Variants in KCNJ2 observed in about 807,000 individuals in gnomAD.
KCNJ2 encodes the protein potassium inwardly rectifying channel subfamily J member 2.
Under a neutral mutation model 28.4 loss-of-function variants are expected in KCNJ2, and 12 were observed. The observed-to-expected ratio is 0.42, with a 90% CI of 0.27 to 0.68. The LOEUF (loss-of-function observed/expected upper bound fraction) is 0.68. KCNJ2 is among the 30% of genes least tolerant of loss of function. KCNJ2 has a pLI of 0.23. For missense variants in KCNJ2, 320 were observed against 551.3 expected (o/e 0.58, Z 4.20); for synonymous variants, 200 against 203.2 (o/e 0.98, Z 0.13).
At chr17:70,172,041 C>T (rs2074367614) in intron 1 of KCNJ2, among the ~76,000 whole-genome samples, 1 of 151,956 alleles carries the variant, frequency 6.6e-6, no homozygotes, top group Non-Finnish European at 1.5e-5. Context: ...CTCAGCTGCT[C>T]ACGAATTGGT....
rs2074389178 is a variant in KCNJ2, at chr17:70,175,809, G to A, written c.770G>A (p.Gly257Glu). ...GACATCAATGTTGGGTTTGACAGTG[G>A]AATCGATCGTATATTTCTGGTGTCC... ...QIDINVGFDS[G>E]IDRIFLVSPI... The change falls in exon 2 of 2, where the codon GGA becomes GAA. Residue 257 changes from glycine (G) to glutamate (E), a missense_variant. By Grantham distance (98) the Gly-to-Glu change is moderately conservative. Around this residue, in one of 3 missense-constraint regions of KCNJ2, gnomAD observed 155 missense variants for 231.6 expected, o/e 0.67. Coordinates refer to ENST00000243457, the MANE Select transcript of KCNJ2 (RefSeq NM_000891.3). This position sits in a 1 kb window ranked among gnomAD's most constrained non-coding sequence, Gnocchi z 8.3. The A allele has an allele frequency of 6.2e-7, 1 of 1,614,042 alleles. No individual in the cohort carries two copies. Among genetic ancestry groups the A allele is most frequent in the Admixed American group, 1.7e-5 (1 of 60,002 alleles).
In KCNJ2 at chr17:70,176,058, A is replaced by G; in HGVS notation, c.1019A>G (p.Asp340Gly). The G allele has an allele frequency of 6.2e-7, 1 of 1,614,142 alleles. No individual in the cohort carries two copies. The highest frequency in any genetic ancestry group is 8.5e-7 in the Non-Finnish European group (1 of 1,180,024). The change falls in exon 2 of 2, where the codon GAC becomes GGC. Residue 340 changes from aspartate (D) to glycine (G), a missense_variant. By Grantham distance (94) the Asp-to-Gly change is moderately conservative. Coordinates refer to ENST00000243457, the MANE Select transcript of KCNJ2 (RefSeq NM_000891.3). The part of the protein sequence containing the change: ...LFEEKHYYKV[D>G]YSRFHKTYEV... ...GAAGAGAAGCACTACTACAAAGTGG[A>G]CTATTCCAGGTTCCACAAAACTTAC...
Position 70,175,171 on chromosome 17 carries a change from G to A in KCNJ2, c.132G>A (p.Arg44=), listed in dbSNP as rs551369705. Residue 44 remains arginine, a synonymous_variant, in exon 2 of 2, where the codon AGG becomes AGA. Coordinates refer to ENST00000243457, the MANE Select transcript of KCNJ2 (RefSeq NM_000891.3). This position sits in a 1 kb window ranked among gnomAD's most constrained non-coding sequence, Gnocchi z 8.3. ...AAGTCCACACCCGACAACAGTGCAG[G>A]AGCCGCTTTGTGAAGAAAGATGGCC... The part of the protein sequence containing the change: ...KSKVHTRQQC[R]SRFVKKDGHC... 24 of 1,614,182 alleles carry A rather than the reference G, an allele frequency of 1.5e-5. No homozygotes were observed. In the African/African-American group the frequency reaches 3.1e-4, roughly 21 times the overall value.
At position 70,178,450 on chromosome 17, in the gene KCNJ2, G is replaced by C. The variant is rs937917384; in HGVS notation, c.*2127G>C. ...AACTTACAGAAGAGGCAACAATTTG[G>C]TTCTTGACAGTGAGAGGATATTGAG... On this transcript the variant is annotated 3_prime_UTR_variant, in exon 2 of 2. Transcript: ENST00000243457. The C allele has an allele frequency of 6.0e-6, 1 of 167,046 alleles. No individual in the cohort carries two copies. Among genetic ancestry groups the C allele is most frequent in the Non-Finnish European group, 1.5e-5 (1 of 68,116 alleles). 10.3% of individuals were successfully genotyped at this position (167,046 alleles called of 1,614,324 possible). A position where few individuals can be genotyped will look rare whatever the true frequency, so the allele number is the denominator to read the frequency against.
chr17:70,175,366 C>G lies in KCNJ2; in HGVS notation c.327C>G (p.Leu109=). 2 of 1,614,128 alleles carry G rather than the reference C, an allele frequency of 1.2e-6. No individual in the cohort carries two copies. The highest frequency in any genetic ancestry group is 1.1e-5 in the South Asian group (1 of 91,080). ...GTGTGTTTTGGTTGATAGCTCTGCT[C>G]CATGGGGACCTGGATGCATCCAAAG... ...FGCVFWLIAL[L]HGDLDASKEG... The change falls in exon 2 of 2, where the codon CTC becomes CTG. Residue 109 remains leucine, a synonymous_variant. Transcript: ENST00000243457. The surrounding 1 kb of genome is among the most constrained non-coding windows in gnomAD (Gnocchi z 8.3).
At chr17:70,173,515 C>A (rs1215907111) in intron 1 of KCNJ2, among the ~76,000 whole-genome samples, 1 of 152,092 alleles carries the variant, frequency 6.6e-6, no homozygotes, top group Non-Finnish European at 1.5e-5. Flanking sequence ...AAAGAAAACA[C>A]CTTAGACTTT....
rs886053322 is a variant in KCNJ2, at chr17:70,174,952, C to T, written c.-88C>T. 3.7e-5 allele frequency: 49 copies of T among 1,322,566 alleles called. No individual in the cohort carries two copies. Among genetic ancestry groups the T allele is most frequent in the Non-Finnish European group, 4.6e-5 (43 of 936,512 alleles). The allele number at this position is 1,322,566 out of a possible 1,614,324, so 81.9% of individuals were successfully genotyped here. ...ATTTTTTTGGTGTGTGTGTCTTCACCGAACATTCAAAACTGTTTCTCCAAA... is the reference window on the plus strand; with the variant it reads ...ATTTTTTTGGTGTGTGTGTCTTCACTGAACATTCAAAACTGTTTCTCCAAA... On this transcript the variant is annotated 5_prime_UTR_variant, in exon 2 of 2. Transcript: ENST00000243457.
intron 1 of KCNJ2, among the ~76,000 whole-genome samples, chr17:70,174,177 A>G (rs995318391): frequency 6.6e-6 from 1 of 152,090 alleles, no homozygotes; most frequent in African/African-American, 2.4e-5. Context: ...CAGGATACAC[A>G]CTCAGTCAAG....
chr17:70,175,038 C>T lies in KCNJ2; in HGVS notation c.-2C>T, dbSNP rs144760658. 2.1e-4 allele frequency: 339 copies of T among 1,613,892 alleles called. 1 individual carries two copies. Among genetic ancestry groups the T allele is most frequent in the Admixed American group, 1.1e-3 (65 of 60,014 alleles). ...GAAGCACTGGAGTCCCCAGCAGAAG[C>T]GATGGGCAGTGTGCGAACCAACCGC... On this transcript the variant is annotated 5_prime_UTR_variant, in exon 2 of 2. Transcript: ENST00000243457. This position sits in a 1 kb window ranked among gnomAD's most constrained non-coding sequence, Gnocchi z 8.3.
rs35753731 is a variant in KCNJ2 at position 70,178,027 on chromosome 17, C to CTT, written c.*1720_*1721dup. Reference sequence around the variant, plus strand: ...CTCACTGAAGCTCAATAATGGAACTCTTTTTTTTTTTTTTTTTAATTTAAA... The same window carrying CTT: ...CTCACTGAAGCTCAATAATGGAACTCTTTTTTTTTTTTTTTTTTTAATTTAAA... On this transcript the variant is annotated 3_prime_UTR_variant, in exon 2 of 2. Transcript: ENST00000243457. 11,528 of 137,140 alleles carry CTT rather than the reference C, an allele frequency of 0.084. 528 individuals are homozygous for CTT. The highest frequency in any genetic ancestry group is 0.13 in the South Asian group (518 of 4,044). 8.5% of individuals were successfully genotyped at this position (137,140 alleles called of 1,614,324 possible). A position where few individuals can be genotyped will look rare whatever the true frequency, so the allele number is the denominator to read the frequency against.
rs988469960 is a variant in KCNJ2, at chr17:70,178,060, A to G, written c.*1737A>G. 1 of 116,234 alleles carries G rather than the reference A, an allele frequency of 8.6e-6. No homozygotes were observed. The allele number at this position is 116,234 out of a possible 1,614,324, so 7.2% of individuals were successfully genotyped here. On this transcript the variant is annotated 3_prime_UTR_variant, in exon 2 of 2. Transcript: ENST00000243457. Reference sequence around the variant, plus strand: ...TTTTTTTTTTAATTTAAAGTTCCCTATTTGTGAATTCTGGGATTACTGACT... The same window carrying G: ...TTTTTTTTTTAATTTAAAGTTCCCTGTTTGTGAATTCTGGGATTACTGACT...
At position 70,176,032 on chromosome 17, in the gene KCNJ2, T is replaced by C; in HGVS notation, c.993T>C (p.Phe331=). ...GCCACCGCTATGAGCCTGTGCTCTT[T>C]GAAGAGAAGCACTACTACAAAGTGG... ...LWGHRYEPVL[F]EEKHYYKVDY... Residue 331 remains phenylalanine (F), a synonymous_variant, in exon 2 of 2, where the codon TTT becomes TTC. Coordinates refer to ENST00000243457, the MANE Select transcript of KCNJ2 (RefSeq NM_000891.3). 6.2e-7 allele frequency: 1 copy of C among 1,614,114 alleles called. No homozygotes were observed. The highest frequency in any genetic ancestry group is 8.5e-7 in the Non-Finnish European group (1 of 1,180,008).
rs758970776 is a variant in KCNJ2 at position 70,176,508 on chromosome 17, A to G, written c.*185A>G. On this transcript the variant is annotated 3_prime_UTR_variant, in exon 2 of 2. Coordinates refer to ENST00000243457, the MANE Select transcript of KCNJ2 (RefSeq NM_000891.3). ...CCATGATTAGCATAAAGCACTAACC[A>G]TGTCTCCATGTGACCCGATGGCACA... 37 of 658,160 alleles carry G rather than the reference A, an allele frequency of 5.6e-5. No individual in the cohort carries two copies. The Middle Eastern group carries it at 1.6e-3, about 28-fold the overall frequency. The allele number at this position is 658,160 out of a possible 1,614,324, so 40.8% of individuals were successfully genotyped here. A position where few individuals can be genotyped will look rare whatever the true frequency, so the allele number is the denominator to read the frequency against.
Position 70,175,892 on chromosome 17 carries a change from C to G in KCNJ2, c.853C>G (p.Gln285Glu), listed in dbSNP as rs776976697. 6.2e-7 allele frequency: 1 copy of G among 1,614,086 alleles called. No homozygotes were observed. Among genetic ancestry groups the G allele is most frequent in the Non-Finnish European group, 8.5e-7 (1 of 1,180,018 alleles). ...CAGTCCTTTATATGATTTGAGTAAACAGGACATTGACAACGCAGACTTTGA... is the reference window on the plus strand; with the variant it reads ...CAGTCCTTTATATGATTTGAGTAAAGAGGACATTGACAACGCAGACTTTGA... Reference protein sequence around the residue: ...EDSPLYDLSKQDIDNADFEIV... With the variant: ...EDSPLYDLSKEDIDNADFEIV... The change falls in exon 2 of 2, where the codon CAG becomes GAG. Residue 285 changes from glutamine to glutamate, a missense_variant. Physicochemically the swap from Gln to Glu is conservative, Grantham distance 29. This residue lies in a region of KCNJ2 where 155 missense variants were observed against 231.6 expected (regional missense o/e 0.67). Transcript: ENST00000243457. This position sits in a 1 kb window ranked among gnomAD's most constrained non-coding sequence, Gnocchi z 8.3.
At chr17:70,173,599 T>A (rs2074375936) in intron 1 of KCNJ2, among the ~76,000 whole-genome samples, 1 of 152,234 alleles carries the variant, frequency 6.6e-6, no homozygotes, top group African/African-American at 2.4e-5. Flanking sequence ...AGTACATAGA[T>A]AGTTCTTAGC....
At chr17:70,171,797 T>C (rs1357249430) in intron 1 of KCNJ2, among the ~76,000 whole-genome samples, 1 of 152,182 alleles carries the variant, frequency 6.6e-6, no homozygotes, top group African/African-American at 2.4e-5. Flanking sequence ...ACATCATGGG[T>C]TATGGCCTGG....
chr17:70,174,385 G>A (rs1299926443), intron 1 of KCNJ2, among the ~76,000 whole-genome samples: 6 of 152,264 alleles, frequency 3.9e-5, no homozygotes, highest in South Asian at 2.1e-4. Flanking sequence ...TCAATGCTGC[G>A]TCCACGTGAA....
chr17:70,177,813 A>G lies in KCNJ2; in HGVS notation c.*1490A>G, dbSNP rs2074404073. The G allele has an allele frequency of 6.0e-6, 1 of 167,094 alleles. No homozygotes were observed. Among genetic ancestry groups the G allele is most frequent in the African/African-American group, 2.4e-5 (1 of 41,452 alleles). 10.4% of individuals were successfully genotyped at this position (167,094 alleles called of 1,614,324 possible). On this transcript the variant is annotated 3_prime_UTR_variant, in exon 2 of 2. Coordinates refer to ENST00000243457, the MANE Select transcript of KCNJ2 (RefSeq NM_000891.3). ...ATGAGAGCCATAAAAATATAACATA[A>G]TCACAAGTAAAGGAGATAATGGTCT...
chr17:70,169,546 C>T lies in KCNJ2; in HGVS notation c.-372C>T, dbSNP rs2074353052. 1.3e-5 allele frequency: 2 copies of T among 152,366 alleles called. No homozygotes were observed. The highest frequency in any genetic ancestry group is 1.3e-4 in the Admixed American group (2 of 15,288). The allele number at this position is 152,366 out of a possible 1,614,324, so 9.4% of individuals were successfully genotyped here. ...CAGGATATTGCAGAGCGCACTGGAG[C>T]CCTGGCCAGCGCGCAGCCTTCCCGG... On this transcript the variant is annotated 5_prime_UTR_variant, in exon 1 of 2. Transcript: ENST00000243457.
Sources: gnomAD v4.1 joint callset for allele counts (sites outside exome capture counted in the v4.1 genomes callset) on GRCh38, gnomAD v4.1.1 for gene constraint, gnomAD v4.1.1 regional missense constraint, Gnocchi (gnomAD v3.1) non-coding constraint, MANE v1.5 for transcripts, NCBI Gene and HGNC (gene_info 2026-07-23, HGNC 2026-07-21) for gene names.